The following OR7D2 variants were observed in gnomAD, a reference collection of about 807,000 sequenced individuals.
The protein encoded by OR7D2 is olfactory receptor family 7 subfamily D member 2, also known as olfactory receptor 7D2.
For missense variants in OR7D2, 370 were observed against 384.1 expected, an observed-to-expected ratio of 0.96 and a Z score of 0.31; for synonymous variants, 158 against 158.7, an observed-to-expected ratio of 1.00 and a Z score of 0.03.
At chr19:9,180,364 A>C (rs542969222) in intron 1 of OR7D2, among the ~76,000 whole-genome samples, 1 of 152,236 alleles carries the variant, frequency 6.6e-6, no homozygotes, top group African/African-American at 2.4e-5. Context: ...CTCCTGCCTT[A>C]GCCTCTCAAA....
intron 1 of OR7D2, among the ~76,000 whole-genome samples, chr19:9,180,205 T>C (rs1038769475): frequency 1.3e-5 from 2 of 152,096 alleles, no homozygotes; most frequent in African/African-American, 2.4e-5. Context: ...GTTGACTTTT[T>C]TTTTTTTTGA....
At position 9,186,501 on chromosome 19, in the gene OR7D2, C is replaced by A; in HGVS notation, c.720C>A (p.Thr240=). ...GGGGAAAACAAAAAGCACTTTCCAC[C>A]TGTGGGTCTCACCTCTCCGTCGTTT... is the stretch of plus-strand genomic sequence containing the variant. ...SSGGKQKALS[T]CGSHLSVVSL... Residue 240 remains threonine, a synonymous_variant, in exon 3 of 3, where the codon ACC becomes ACA. Transcript: ENST00000641288. The A allele has an allele frequency of 1.9e-6, 3 of 1,614,106 alleles. No homozygotes were observed. In the South Asian group the frequency reaches 3.3e-5, roughly 18 times the overall value.
chr19:9,185,751 T>TGAC lies in OR7D2; in HGVS notation c.-13-17_-13-15dup, dbSNP rs1331366651. 1 of 1,482,638 alleles carries TGAC rather than the reference T, an allele frequency of 6.7e-7. No homozygotes were observed. The highest frequency in any genetic ancestry group is 1.4e-5 in the African/African-American group (1 of 71,666). The allele number at this position is 1,482,638 out of a possible 1,614,324, so 91.8% of individuals were successfully genotyped here. ...GGTGTCCACCACCATGCCTGGCTAA[T>TGAC]GACCTCTTCTTTTGTAGATACATCA... On this transcript the variant is annotated splice_polypyrimidine_tract_variant and intron_variant, in intron 2 of 2. Coordinates refer to ENST00000641288, the MANE Select transcript of OR7D2 (RefSeq NM_175883.4).
chr19:9,182,883 C>T (rs1212432654), intron 2 of OR7D2: 3 of 342,446 alleles, frequency 8.8e-6, no homozygotes, highest in African/African-American at 2.2e-5. Flanking sequence ...TCATCGGCTT[C>T]GTTCTCAGCA....
intron 2 of OR7D2, among the ~76,000 whole-genome samples, chr19:9,183,754 G>T (rs1322500066): frequency 4.1e-5 from 6 of 146,342 alleles, no homozygotes; most frequent in Non-Finnish European, 7.5e-5. Flanking sequence ...TCAGGAGATC[G>T]AGACCATCCT....
In OR7D2 at chr19:9,186,230, T is replaced by C. The variant is rs1424654063; in HGVS notation, c.449T>C (p.Leu150Pro). Reference protein sequence around the residue: ...LCGLLVFVTWLIGVMTSLLHI... With the variant: ...LCGLLVFVTWPIGVMTSLLHI... ...GGCCTCCTGGTTTTTGTCACCTGGCTCATTGGTGTCATGACATCCCTCCTC... is the reference window on the plus strand; with the variant it reads ...GGCCTCCTGGTTTTTGTCACCTGGCCCATTGGTGTCATGACATCCCTCCTC... Residue 150 changes from leucine (L) to proline (P), a missense_variant, in exon 3 of 3, where the codon CTC becomes CCC. By Grantham distance (98) the Leu-to-Pro change is moderately conservative (BLOSUM62 -3). Coordinates refer to ENST00000641288, the MANE Select transcript of OR7D2 (RefSeq NM_175883.4). 1.9e-6 allele frequency: 3 copies of C among 1,614,128 alleles called. No individual in the cohort carries two copies. Among genetic ancestry groups the C allele is most frequent in the Non-Finnish European group, 2.5e-6 (3 of 1,180,006 alleles).
At position 9,186,679 on chromosome 19, in the gene OR7D2, G is replaced by A. The variant is rs766169433; in HGVS notation, c.898G>A (p.Ala300Thr). Residue 300 changes from alanine (A) to threonine (T), a missense_variant, in exon 3 of 3, where the codon GCC (alanine) becomes ACC (threonine). Physicochemically the swap from Ala to Thr is moderately conservative, Grantham distance 58. Coordinates refer to ENST00000641288, the MANE Select transcript of OR7D2 (RefSeq NM_175883.4). ...YSLRNKDVKG[A>T]LGSLLSRAAS... ...CCTGAGGAACAAGGATGTGAAGGGAGCCCTGGGGAGTCTCCTCAGCAGGGC... is the reference window on the plus strand; with the variant it reads ...CCTGAGGAACAAGGATGTGAAGGGAACCCTGGGGAGTCTCCTCAGCAGGGC... 7.0e-5 allele frequency: 113 copies of A among 1,613,470 alleles called. No individual in the cohort carries two copies. Among genetic ancestry groups the A allele is most frequent in the Non-Finnish European group, 9.3e-5 (110 of 1,179,812 alleles).
chr19:9,185,729 G>A (rs928530525), intron 2 of OR7D2, 40 bp from the exon 3 acceptor site: 4 of 1,295,858 alleles, frequency 3.1e-6, no homozygotes, highest in Non-Finnish European at 3.2e-6. Context: ...GACTACAGGT[G>A]TCCACCACCA....
chr19:9,185,799 A>G lies in OR7D2; in HGVS notation c.18A>G (p.Gln6=), dbSNP rs1290872070. Residue 6 remains glutamine (Q), a synonymous_variant, in exon 3 of 3, where the codon CAA becomes CAG. Transcript: ENST00000641288. MEAGN[Q]TGFLEFILLG... is the part of the protein sequence containing the mutation. ...TCAGCTACATGGAAGCAGGAAACCA[A>G]ACAGGATTTTTAGAGTTTATCCTTC... 1 of 1,578,518 alleles carries G rather than the reference A, an allele frequency of 6.3e-7. No individual in the cohort carries two copies. Among genetic ancestry groups the G allele is most frequent in the Non-Finnish European group, 8.6e-7 (1 of 1,162,766 alleles).
At chr19:9,182,078 T>G (rs376149263) in intron 2 of OR7D2, among the ~76,000 whole-genome samples, 13 of 152,330 alleles carry the variant, frequency 8.5e-5, no homozygotes, top group Admixed American at 2.6e-4. Context: ...TGGTTAACTA[T>G]GAGATATTTC....
chr19:9,185,770 T>C lies in OR7D2; in HGVS notation c.-12T>C. 10 of 1,547,928 alleles carry C rather than the reference T, an allele frequency of 6.5e-6. No individual in the cohort carries two copies. Among genetic ancestry groups the C allele is most frequent in the Non-Finnish European group, 8.7e-6 (10 of 1,143,428 alleles). Reference sequence around the variant, plus strand: ...GGCTAATGACCTCTTCTTTTGTAGATACATCAGCTACATGGAAGCAGGAAA... The same window carrying C: ...GGCTAATGACCTCTTCTTTTGTAGACACATCAGCTACATGGAAGCAGGAAA... On this transcript the variant is annotated splice_region_variant and 5_prime_UTR_variant, in exon 3 of 3. Transcript: ENST00000641288.
At chr19:9,182,637 A>G (rs1173765889) in intron 2 of OR7D2, among the ~76,000 whole-genome samples, 1 of 152,006 alleles carries the variant, frequency 6.6e-6, no homozygotes, top group African/African-American at 2.4e-5. Context: ...CTCCTGCCTC[A>G]GCCTCACGAG....
At position 9,186,707 on chromosome 19, in the gene OR7D2, C is replaced by T. The variant is rs1302497952; in HGVS notation, c.926C>T (p.Ala309Val). 1 of 1,598,556 alleles carries T rather than the reference C, an allele frequency of 6.3e-7. No homozygotes were observed. The highest frequency in any genetic ancestry group is 2.2e-5 in the East Asian group (1 of 44,792). The change falls in exon 3 of 3, where the codon GCC (alanine) becomes GTC (valine). Residue 309 changes from alanine to valine, a missense_variant. Transcript: ENST00000641288. ...CTGGGGAGTCTCCTCAGCAGGGCAG[C>T]CTCTTGTTTGTGATGGATCCCTTGG... ...GALGSLLSRA[A>V]SCL
At position 9,187,145 on chromosome 19, in the gene OR7D2, A is replaced by C. The variant is rs1325886973; in HGVS notation, c.*425A>C. ...TCTCGAACTCCTGACCTTGTGATCC[A>C]CCTGCCTTGGCCTCTCAAAGTGCTG... On this transcript the variant is annotated 3_prime_UTR_variant, in exon 3 of 3. Coordinates refer to ENST00000641288, the MANE Select transcript of OR7D2 (RefSeq NM_175883.4). 6.0e-6 allele frequency: 1 copy of C among 166,412 alleles called. No homozygotes were observed. The highest frequency in any genetic ancestry group is 1.4e-5 in the Non-Finnish European group (1 of 70,524). The allele number at this position is 166,412 out of a possible 1,614,324, so 10.3% of individuals were successfully genotyped here.
intron 1 of OR7D2, among the ~76,000 whole-genome samples, chr19:9,179,543 C>CAA (rs34397672): frequency 7.2e-4 from 102 of 142,372 alleles, no homozygotes; most frequent in South Asian, 1.3e-3. Flanking sequence ...GACGCTGTCT[C>CAA]AAAAAAAAAA....
At chr19:9,185,639 A>G in intron 2 of OR7D2, 130 bp from the exon 3 acceptor site, 1 of 508,628 alleles carries the variant, frequency 2.0e-6, no homozygotes, top group Non-Finnish European at 3.5e-6. Context: ...GCTGGAGTGC[A>G]GTGGTGTAAA....
At chr19:9,182,674 C>T (rs557538053) in intron 2 of OR7D2, among the ~76,000 whole-genome samples, 23 of 152,188 alleles carry the variant, frequency 1.5e-4, no homozygotes, top group African/African-American at 5.3e-4. Context: ...CGCCCGCCAC[C>T]ACGCCTGGCT....
chr19:9,181,746 C>T (rs991883392), intron 2 of OR7D2, among the ~76,000 whole-genome samples: 2 of 152,118 alleles, frequency 1.3e-5, no homozygotes, highest in African/African-American at 2.4e-5. Flanking sequence ...GCCTCCATGC[C>T]TGGCATTTCT....
At chr19:9,182,982 A>G in intron 2 of OR7D2, 1 of 458,276 alleles carries the variant, frequency 2.2e-6, no homozygotes, top group South Asian at 2.1e-5. Context: ...CCATCAGATA[A>G]TATCAATTTG....
Sources: allele counts gnomAD v4.1 joint callset (sites outside exome capture counted in the v4.1 genomes callset), GRCh38; gene constraint gnomAD v4.1.1; transcripts MANE v1.5; gene names NCBI Gene and HGNC (gene_info 2026-07-23, HGNC 2026-07-21).